Variants in RAP1GAP2 observed in about 807,000 individuals in gnomAD.
RAP1GAP2 encodes RAP1 GTPase activating protein 2.
Under a neutral mutation model 95.0 loss-of-function variants are expected in RAP1GAP2, and 27 were observed. That is an observed-to-expected ratio of 0.28 (90% confidence interval 0.21 to 0.39). RAP1GAP2 has a LOEUF of 0.39. RAP1GAP2 is among the 10% of genes least tolerant of loss of function. The pLI is 1.00. For missense variants in RAP1GAP2, 771 were observed against 970.0 expected (o/e 0.79, Z 2.72); for synonymous variants, 373 against 380.9 (o/e 0.98, Z 0.24).
intron 2 of RAP1GAP2, among the ~76,000 whole-genome samples, chr17:2,891,636 T>G (rs1006279616): frequency 2.0e-5 from 3 of 151,518 alleles, no homozygotes; most frequent in South Asian, 2.1e-4. Flanking sequence ...AGGGTGTGAA[T>G]TTTTTTGAGC....
chr17:2,995,603 G>A lies in RAP1GAP2; in HGVS notation c.1044+137G>A, dbSNP rs553042005. 46 of 1,224,276 alleles carry A rather than the reference G, an allele frequency of 3.8e-5. No individual in the cohort carries two copies. In the East Asian group the frequency reaches 7.0e-4, roughly 19 times the overall value. The allele number at this position is 1,224,276 out of a possible 1,614,324, so 75.8% of individuals were successfully genotyped here. ...GCCATTCGTTCAGCTGCGCAGCAGCGTCACAGTCCGTTCTGCTGTGTTTCT... is the reference window on the plus strand; with the variant it reads ...GCCATTCGTTCAGCTGCGCAGCAGCATCACAGTCCGTTCTGCTGTGTTTCT... On this transcript the variant is annotated intron_variant, in intron 13 of 24. Transcript: ENST00000254695.
At chr17:2,905,160 G>C in intron 2 of RAP1GAP2, 124 bp from the exon 3 acceptor site, 1 of 811,276 alleles carries the variant, frequency 1.2e-6, no homozygotes, top group Non-Finnish European at 1.9e-6. Flanking sequence ...TGGGATTACT[G>C]GCGTGAGCCA....
intron 2 of RAP1GAP2, among the ~76,000 whole-genome samples, chr17:2,848,804 G>A (rs775096999): frequency 7.2e-5 from 11 of 152,124 alleles, no homozygotes; most frequent in Non-Finnish European, 7.4e-5. Flanking sequence ...GTGAGCCACC[G>A]CACCCGGCCC....
At chr17:2,967,265 G>A (rs970626606) in intron 8 of RAP1GAP2, among the ~76,000 whole-genome samples, 3 of 152,106 alleles carry the variant, frequency 2.0e-5, no homozygotes, top group African/African-American at 7.2e-5. Context: ...CAGCTACTCA[G>A]GAGGCTGAGG....
At chr17:2,879,172 G>A (rs983708087) in intron 2 of RAP1GAP2, among the ~76,000 whole-genome samples, 8 of 150,708 alleles carry the variant, frequency 5.3e-5, no homozygotes, top group African/African-American at 1.7e-4. Flanking sequence ...GTGGAGTGCA[G>A]TGGCGTGATC....
intron 2 of RAP1GAP2, among the ~76,000 whole-genome samples, chr17:2,834,674 G>A (rs2071052568): frequency 6.6e-6 from 1 of 152,064 alleles, no homozygotes; most frequent in Non-Finnish European, 1.5e-5. Context: ...GCAGGTGCTT[G>A]TAGTCTCAGC....
In RAP1GAP2 at chr17:2,957,745, CT is replaced by C. The variant is rs781759350; in HGVS notation, c.166-10del. 9 of 1,605,576 alleles carry C rather than the reference CT, an allele frequency of 5.6e-6. No individual in the cohort carries two copies. In the East Asian group the frequency reaches 1.6e-4, roughly 28 times the overall value. On this transcript the variant is annotated splice_polypyrimidine_tract_variant and intron_variant, in intron 3 of 24. Coordinates refer to ENST00000254695, the MANE Select transcript of RAP1GAP2 (RefSeq NM_015085.5). ...TGATCCCTGTCTTTCTGTCCCCCTG[CT>C]TTTGTCTTTCAGTCGTCGGAGTTCT...
intron 2 of RAP1GAP2, chr17:2,854,067 C>T (rs2072019562): frequency 1.0e-5 from 10 of 985,340 alleles, no homozygotes; most frequent in Non-Finnish European, 1.2e-5. Flanking sequence ...TCATCGGACT[C>T]CTGCACAAAT....
chr17:3,006,861 A>G (rs2046358400), intron 16 of RAP1GAP2, among the ~76,000 whole-genome samples: 1 of 152,092 alleles, frequency 6.6e-6, no homozygotes, highest in African/African-American at 2.4e-5. Context: ...GCAGGGGGTC[A>G]TTACTAAATA....
At chr17:2,844,221 C>T (rs1320308947) in intron 2 of RAP1GAP2, among the ~76,000 whole-genome samples, 2 of 152,040 alleles carry the variant, frequency 1.3e-5, no homozygotes, top group Non-Finnish European at 2.9e-5. Flanking sequence ...GGTGTTTCGC[C>T]ATTTTAACCA....
At chr17:2,978,723 C>CA (rs200972063) in intron 8 of RAP1GAP2, among the ~76,000 whole-genome samples, 27,164 of 151,836 alleles carry the variant, frequency 0.18, 2,947 homozygotes, top group East Asian at 0.33. Flanking sequence ...CACCTGAGGT[C>CA]AGGAATTCGA....
intron 3 of RAP1GAP2, among the ~76,000 whole-genome samples, chr17:2,946,433 C>T (rs182786741): frequency 1.5e-4 from 23 of 152,272 alleles, no homozygotes; most frequent in Admixed American, 1.2e-3. Flanking sequence ...TTAATTACTA[C>T]GGATTCCATC....
At chr17:2,839,486 G>T (rs1460467678) in intron 2 of RAP1GAP2, among the ~76,000 whole-genome samples, 1 of 152,122 alleles carries the variant, frequency 6.6e-6, no homozygotes, top group Non-Finnish European at 1.5e-5. Flanking sequence ...TGGTCCATTT[G>T]CTATAATTAA....
At position 2,963,590 on chromosome 17, in the gene RAP1GAP2, C is replaced by T; in HGVS notation, c.279+128C>T. On this transcript the variant is annotated intron_variant, in intron 6 of 24. Transcript: ENST00000254695. This position sits in a 1 kb window ranked among gnomAD's most constrained non-coding sequence, Gnocchi z 4.8. ...AACCTTGGGCCTGGGACCTCTCTTC[C>T]TGTCTTTGCCTTTGTAACCTCAGCT... 1 of 1,262,220 alleles carries T rather than the reference C, an allele frequency of 7.9e-7. No homozygotes were observed. The highest frequency in any genetic ancestry group is 2.3e-5 in the East Asian group (1 of 43,076). The allele number at this position is 1,262,220 out of a possible 1,614,324, so 78.2% of individuals were successfully genotyped here. A position where few individuals can be genotyped will look rare whatever the true frequency, so the allele number is the denominator to read the frequency against.
At chr17:2,995,236 C>G (rs112400612) in intron 12 of RAP1GAP2, 101 bp from the exon 13 acceptor site, 2 of 1,407,594 alleles carry the variant, frequency 1.4e-6, no homozygotes, top group African/African-American at 1.4e-5. Flanking sequence ...GTCTCCTCTG[C>G]TGCGTATCCT....
chr17:2,882,448 C>T (rs1367105004), intron 2 of RAP1GAP2, among the ~76,000 whole-genome samples: 8 of 152,082 alleles, frequency 5.3e-5, no homozygotes, highest in African/African-American at 1.9e-4. Context: ...CGCGCCACCA[C>T]GCCCGGCTAA....
intron 2 of RAP1GAP2, among the ~76,000 whole-genome samples, chr17:2,859,862 CCT>C (rs2072302414): frequency 6.6e-6 from 1 of 151,916 alleles, no homozygotes; most frequent in Non-Finnish European, 1.5e-5. Flanking sequence ...TCTGCTGTCC[CCT>C]GTGTTACCTG....
At chr17:2,927,355 G>C (rs546200797) in intron 3 of RAP1GAP2, among the ~76,000 whole-genome samples, 2 of 151,448 alleles carry the variant, frequency 1.3e-5, no homozygotes, top group Admixed American at 1.3e-4. Context: ...GGGTTTCACC[G>C]TGTTAGCCAG....
Position 2,867,978 on chromosome 17 carries a change from TTC to T in RAP1GAP2, c.81-37302_81-37301del, listed in dbSNP as rs1246774808. On this transcript the variant is annotated intron_variant, in intron 2 of 24. Coordinates refer to ENST00000254695, the MANE Select transcript of RAP1GAP2 (RefSeq NM_015085.5). The surrounding 1 kb of genome is among the most constrained non-coding windows in gnomAD (Gnocchi z 4.5). Reference sequence around the variant, plus strand: ...GTAAACACACTTCCTGGGCTGTCTTTTCTCTGAGTCCATTCTGAACATCAAAG... The same window carrying T: ...GTAAACACACTTCCTGGGCTGTCTTTTCTGAGTCCATTCTGAACATCAAAG... Among the ~76,000 whole-genome samples the T allele has an allele frequency of 3.3e-5, 5 of 152,188 alleles. No homozygotes were observed. Among genetic ancestry groups the T allele is most frequent in the Non-Finnish European group, 5.9e-5 (4 of 68,036 alleles).
Sources: gnomAD v4.1 joint callset for allele counts (sites outside exome capture counted in the v4.1 genomes callset) on GRCh38, gnomAD v4.1.1 for gene constraint, Gnocchi (gnomAD v3.1) non-coding constraint, MANE v1.5 for transcripts, NCBI Gene and HGNC (gene_info 2026-07-23, HGNC 2026-07-21) for gene names.